Variants in TTC28 observed in about 807,000 individuals in gnomAD.
TTC28 encodes tetratricopeptide repeat protein 28.
A neutral mutation model predicts 198.0 loss-of-function variants in TTC28; 61 were observed. The observed-to-expected ratio is 0.31, with a 90% CI of 0.25 to 0.38. The LOEUF is 0.38. Among genes scored for constraint, TTC28 ranks in the 10% least tolerant of loss-of-function variants. TTC28 has a pLI of 1.00. For synonymous variants in TTC28, 1,171 were observed against 1,297.8 expected (o/e 0.90, Z 2.10); for missense variants, 2,678 against 3,164.0 (o/e 0.85, Z 3.69).
At chr22:28,053,118 G>A (rs557811592) in intron 12 of TTC28, among the ~76,000 whole-genome samples, 1 of 152,194 alleles carries the variant, frequency 6.6e-6, no homozygotes. Flanking sequence ...CAAATGTATC[G>A]GCACGTTGGC....
chr22:28,107,898 G>A lies in TTC28; in HGVS notation c.1947C>T (p.Asn649=), dbSNP rs1269801786. ...NLGYAHYCLG[N]YQEAVKYYEQ... ...CGTAGTACTTCACTGCCTCCTGATA[G>A]TTTCCAAGGCAGTAATGGGCATAGC... The change falls in exon 7 of 23, where the codon AAC becomes AAT. Residue 649 remains asparagine, a synonymous_variant. Transcript: ENST00000397906. The A allele has an allele frequency of 7.1e-6, 11 of 1,551,642 alleles. No homozygotes were observed. The Admixed American group carries it at 9.8e-5, about 14-fold the overall frequency.
intron 6 of TTC28, among the ~76,000 whole-genome samples, chr22:28,114,452 G>C (rs1222629886): frequency 6.6e-6 from 1 of 152,204 alleles, no homozygotes; most frequent in Non-Finnish European, 1.5e-5. Context: ...TGAGAGCAAA[G>C]TGCTCTGTGT....
chr22:28,013,951 C>T (rs546413757), intron 14 of TTC28, among the ~76,000 whole-genome samples: 5 of 152,312 alleles, frequency 3.3e-5, no homozygotes, highest in South Asian at 4.1e-4. Context: ...TCATTTTGTA[C>T]ATGAGGTCAC....
At chr22:28,216,712 T>C (rs1449686628) in intron 5 of TTC28, among the ~76,000 whole-genome samples, 2 of 152,090 alleles carry the variant, frequency 1.3e-5, no homozygotes, top group East Asian at 1.9e-4. Context: ...ACAATAAATA[T>C]TTTTTTAGTT....
At chr22:28,553,724 C>A (rs1382293158) in intron 2 of TTC28, among the ~76,000 whole-genome samples, 2 of 151,498 alleles carry the variant, frequency 1.3e-5, no homozygotes, top group Non-Finnish European at 2.9e-5. Context: ...CCCCGCCAGG[C>A]CAACTGCCCC....
intron 6 of TTC28, among the ~76,000 whole-genome samples, chr22:28,131,129 G>A (rs1232087773): frequency 2.0e-5 from 3 of 152,190 alleles, no homozygotes; most frequent in African/African-American, 7.2e-5. Flanking sequence ...GGCAAGGACG[G>A]TGAATTTAGA....
At chr22:28,149,952 G>C (rs999815263) in intron 6 of TTC28, among the ~76,000 whole-genome samples, 6 of 152,140 alleles carry the variant, frequency 3.9e-5, no homozygotes, top group African/African-American at 1.4e-4. Context: ...TAATTAGCTT[G>C]ATTTAATCTT....
chr22:28,373,991 C>T (rs1282936227), intron 2 of TTC28, among the ~76,000 whole-genome samples: 3 of 152,192 alleles, frequency 2.0e-5, no homozygotes, highest in African/African-American at 7.2e-5. Context: ...GAGCTTACTG[C>T]TTTGATCAGA....
rs201480871 is a variant in TTC28 at position 28,494,635 on chromosome 22, T to C, written c.381+134917A>G. Among the ~76,000 whole-genome samples, 443 of 152,298 alleles carry C rather than the reference T, an allele frequency of 2.9e-3. 2 individuals are homozygous for C. Among genetic ancestry groups the C allele is most frequent in the African/African-American group, 9.8e-3 (408 of 41,550 alleles). ...CCCTTTTTGTGAAGCCCTGTACTGA[T>C]TGCATTCTGGCTCTGCACAATTCAT... is the stretch of plus-strand genomic sequence containing the variant. On this transcript the variant is annotated intron_variant, in intron 2 of 22. Transcript: ENST00000397906.
intron 12 of TTC28, among the ~76,000 whole-genome samples, chr22:28,059,810 T>A (rs1940439912): frequency 6.6e-6 from 1 of 151,954 alleles, no homozygotes; most frequent in Admixed American, 6.6e-5. Flanking sequence ...CCTCTTTACC[T>A]CTGGTAATAC....
At chr22:28,128,800 A>G (rs565623564) in intron 6 of TTC28, among the ~76,000 whole-genome samples, 1 of 152,234 alleles carries the variant, frequency 6.6e-6, no homozygotes, top group Non-Finnish European at 1.5e-5. Context: ...TCAGCCTCCC[A>G]AAGTACTGAG....
intron 6 of TTC28, among the ~76,000 whole-genome samples, chr22:28,109,926 G>A (rs1231360882): frequency 6.6e-6 from 1 of 152,176 alleles, no homozygotes; most frequent in Non-Finnish European, 1.5e-5. Flanking sequence ...GAGAAAGAAA[G>A]CTGTGAAAAC....
chr22:28,310,654 T>A (rs1054467601), intron 2 of TTC28, among the ~76,000 whole-genome samples: 7 of 152,188 alleles, frequency 4.6e-5, no homozygotes, highest in Non-Finnish European at 8.8e-5. Flanking sequence ...ATGTAATAAA[T>A]ATATGTAATA....
chr22:28,599,976 T>G (rs1272124844), intron 2 of TTC28, among the ~76,000 whole-genome samples: 2 of 152,308 alleles, frequency 1.3e-5, no homozygotes, highest in East Asian at 3.9e-4. Context: ...TTTCAACAAA[T>G]ATTTATTGAA....
intron 5 of TTC28, among the ~76,000 whole-genome samples, chr22:28,210,178 G>C (rs538790257): frequency 4.6e-5 from 7 of 152,136 alleles, no homozygotes; most frequent in African/African-American, 1.7e-4. Context: ...AAACCACAAA[G>C]ATGCGGAGAC....
chr22:28,145,052 T>C (rs1943432826), intron 6 of TTC28, among the ~76,000 whole-genome samples: 1 of 152,226 alleles, frequency 6.6e-6, no homozygotes, highest in Non-Finnish European at 1.5e-5. Context: ...TTTCCATCAG[T>C]TCCTGTGGCA....
intron 12 of TTC28, among the ~76,000 whole-genome samples, chr22:28,074,620 A>G (rs1004952517): frequency 1.3e-5 from 2 of 152,220 alleles, no homozygotes; most frequent in Non-Finnish European, 1.5e-5. Flanking sequence ...CCCTGGTACA[A>G]GACAGCCTAG....
chr22:28,614,582 G>A (rs1226782017), intron 2 of TTC28, among the ~76,000 whole-genome samples: 2 of 152,104 alleles, frequency 1.3e-5, no homozygotes, highest in African/African-American at 4.8e-5. Flanking sequence ...CATGGTACTG[G>A]TACCAAAACA....
chr22:28,506,793 A>G (rs548244606), intron 2 of TTC28, among the ~76,000 whole-genome samples: 2 of 152,374 alleles, frequency 1.3e-5, no homozygotes, highest in South Asian at 4.1e-4. Context: ...GGTCTGGAGC[A>G]GACCCCCAGC....
Sources: allele counts gnomAD v4.1 joint callset (sites outside exome capture counted in the v4.1 genomes callset), GRCh38; gene constraint gnomAD v4.1.1; transcripts MANE v1.5; gene names NCBI Gene and HGNC (gene_info 2026-07-23, HGNC 2026-07-21).